Variants in SGCZ observed in about 807,000 individuals in gnomAD.
The protein encoded by SGCZ is zeta-sarcoglycan.
Under a neutral mutation model 41.3 loss-of-function variants are expected in SGCZ, and 40 were observed. The observed-to-expected ratio is 0.97, with a 90% CI of 0.75 to 1.26. The LOEUF (loss-of-function observed/expected upper bound fraction) is 1.26. Among genes scored for constraint, SGCZ ranks in the 50% most tolerant of loss-of-function variants. SGCZ has a pLI of 0.00. For missense variants in SGCZ, 552 were observed against 369.8 expected (o/e 1.49, Z -4.04); for synonymous variants, 206 against 137.5 (o/e 1.50, Z -3.49).
chr8:15,046,154 A>T (rs75638018), intron 1 of SGCZ, among the ~76,000 whole-genome samples: 360 of 152,206 alleles, frequency 2.4e-3, no homozygotes, highest in East Asian at 0.015. Flanking sequence ...TATAGAGCAC[A>T]TGTTTTTTAA....
At position 15,013,775 on chromosome 8, in the gene SGCZ, G is replaced by C. The variant is rs73665367; in HGVS notation, c.39+223810C>G. Among the ~76,000 whole-genome samples, 298 of 152,248 alleles carry C rather than the reference G, an allele frequency of 2.0e-3. 1 individual carries two copies. Among genetic ancestry groups the C allele is most frequent in the African/African-American group, 6.2e-3 (257 of 41,542 alleles). ...TTATACATCATATGCTTAATGAATA[G>C]TAGTTATAATTAAGAAAAAACACAC... On this transcript the variant is annotated intron_variant, in intron 1 of 7. Coordinates refer to ENST00000382080, the MANE Select transcript of SGCZ (RefSeq NM_139167.4).
chr8:14,936,064 T>A (rs1365350563), intron 1 of SGCZ, among the ~76,000 whole-genome samples: 1 of 151,946 alleles, frequency 6.6e-6, no homozygotes, highest in Non-Finnish European at 1.5e-5. Flanking sequence ...AGACTTTAAA[T>A]ATTCAAAATT....
chr8:14,881,008 C>G (rs780096346), intron 1 of SGCZ, among the ~76,000 whole-genome samples: 2 of 151,706 alleles, frequency 1.3e-5, no homozygotes, highest in African/African-American at 4.8e-5. Flanking sequence ...AAATACAAAA[C>G]ACAGAGAAAG....
Position 14,325,355 on chromosome 8 carries a change from A to G in SGCZ, c.235-1151T>C, listed in dbSNP as rs73533337. ...CAAGGTTTCACAACTAAGCATGAATAAGAAAATATAGTGACTTTAAAAACT... is the reference window on the plus strand; with the variant it reads ...CAAGGTTTCACAACTAAGCATGAATGAGAAAATATAGTGACTTTAAAAACT... On this transcript the variant is annotated intron_variant, in intron 2 of 7. Transcript: ENST00000382080. 2.3e-3 allele frequency among the ~76,000 whole-genome samples: 351 copies of G among 152,026 alleles called. 2 individuals carry two copies. Among genetic ancestry groups the G allele is most frequent in the African/African-American group, 8.0e-3 (333 of 41,534 alleles).
At chr8:14,884,755 A>G (rs569581817) in intron 1 of SGCZ, among the ~76,000 whole-genome samples, 1 of 152,186 alleles carries the variant, frequency 6.6e-6, no homozygotes, top group Non-Finnish European at 1.5e-5. Flanking sequence ...TAGTAACATT[A>G]TATTTTATGT....
chr8:15,068,828 AC>A (rs138924609), intron 1 of SGCZ, among the ~76,000 whole-genome samples: 1 of 152,266 alleles, frequency 6.6e-6, no homozygotes, highest in African/African-American at 2.4e-5. Flanking sequence ...ACCCAATTAA[AC>A]CCAGCAAACC....
intron 1 of SGCZ, among the ~76,000 whole-genome samples, chr8:14,918,738 T>C (rs907542030): frequency 1.3e-5 from 2 of 152,344 alleles, no homozygotes; most frequent in Admixed American, 6.5e-5. Context: ...GAAGAGGTCA[T>C]GCAATGAAAA....
intron 4 of SGCZ, among the ~76,000 whole-genome samples, chr8:14,231,367 T>A (rs539472112): frequency 6.6e-6 from 1 of 151,984 alleles, no homozygotes; most frequent in East Asian, 1.9e-4. Flanking sequence ...TCAGCCTTTT[T>A]TAAGGAATTT....
At chr8:14,961,328 C>G (rs941312196) in intron 1 of SGCZ, among the ~76,000 whole-genome samples, 5 of 152,122 alleles carry the variant, frequency 3.3e-5, no homozygotes, top group African/African-American at 1.2e-4. Flanking sequence ...TTGGAAACAT[C>G]TTGGAAAATA....
chr8:14,911,792 T>C (rs1799287509), intron 1 of SGCZ, among the ~76,000 whole-genome samples: 1 of 151,936 alleles, frequency 6.6e-6, no homozygotes, highest in Admixed American at 6.6e-5. Context: ...TTCATTTATT[T>C]CCTCAAGTAT....
chr8:14,913,382 G>T (rs1337068734), intron 1 of SGCZ, among the ~76,000 whole-genome samples: 1 of 152,004 alleles, frequency 6.6e-6, no homozygotes, highest in African/African-American at 2.4e-5. Context: ...AGAGAGTCAA[G>T]TTAAATAAAT....
intron 1 of SGCZ, among the ~76,000 whole-genome samples, chr8:14,760,122 C>G (rs1362352811): frequency 6.6e-6 from 1 of 152,132 alleles, no homozygotes; most frequent in East Asian, 1.9e-4. Flanking sequence ...CACAGTTATG[C>G]GTTTCAACAT....
intron 4 of SGCZ, among the ~76,000 whole-genome samples, chr8:14,178,795 T>G (rs1455443570): frequency 1.3e-5 from 2 of 152,188 alleles, no homozygotes; most frequent in South Asian, 2.1e-4. Context: ...ATAAATTGAG[T>G]AAATGTAAAT....
intron 1 of SGCZ, among the ~76,000 whole-genome samples, chr8:14,950,680 T>C (rs1800601965): frequency 6.6e-6 from 1 of 151,938 alleles, no homozygotes; most frequent in Non-Finnish European, 1.5e-5. Flanking sequence ...CAGGCACTCA[T>C]GTAGAAGCAA....
rs549794092 is a variant in SGCZ, at chr8:15,087,981, T to A, written c.39+149604A>T. Among the ~76,000 whole-genome samples the A allele has an allele frequency of 3.3e-5, 5 of 151,456 alleles. No homozygotes were observed. The East Asian group carries it at 5.8e-4, about 18-fold the overall frequency. The stretch of plus-strand genomic sequence containing the variant: ...TTTTTTAGTAACCACCATTACTATA[T>A]ACCTCATATGTCATTTCTGACTCTC... On this transcript the variant is annotated intron_variant, in intron 1 of 7. Transcript: ENST00000382080.
At chr8:14,960,951 ACACACACACACACT>A (rs1299144143) in intron 1 of SGCZ, among the ~76,000 whole-genome samples, 1 of 147,884 alleles carries the variant, frequency 6.8e-6, no homozygotes, top group Admixed American at 6.8e-5. Flanking sequence ...ACACACACAC[ACACACACACACACT>A]CACTCAAGCA....
At chr8:14,530,480 A>G (rs1276531535) in intron 2 of SGCZ, among the ~76,000 whole-genome samples, 1 of 152,022 alleles carries the variant, frequency 6.6e-6, no homozygotes, top group African/African-American at 2.4e-5. Context: ...CTGCCTTCAT[A>G]TTCACATTTT....
intron 1 of SGCZ, among the ~76,000 whole-genome samples, chr8:14,834,811 G>A (rs932934129): frequency 6.6e-6 from 1 of 152,116 alleles, no homozygotes; most frequent in East Asian, 1.9e-4. Flanking sequence ...GTGATCAAGG[G>A]ACTCGGATAC....
intron 1 of SGCZ, among the ~76,000 whole-genome samples, chr8:14,558,734 C>G (rs1804115568): frequency 6.6e-6 from 1 of 151,860 alleles, no homozygotes; most frequent in Non-Finnish European, 1.5e-5. Flanking sequence ...TGTTAAAATC[C>G]TTAACAAAAT....
Sources: allele counts gnomAD v4.1 joint callset (sites outside exome capture counted in the v4.1 genomes callset), GRCh38; gene constraint gnomAD v4.1.1; transcripts MANE v1.5; gene names NCBI Gene and HGNC (gene_info 2026-07-23, HGNC 2026-07-21).